The following GABRB1 variants were observed in gnomAD, a reference collection of about 807,000 sequenced individuals.
GABRB1 encodes the protein gamma-aminobutyric acid type A receptor subunit beta1, also known as gamma-aminobutyric acid receptor subunit beta-1.
Under a neutral mutation model 51.6 loss-of-function variants are expected in GABRB1, and 17 were observed. That is an observed-to-expected ratio of 0.33 (90% CI 0.23 to 0.49). GABRB1 has a LOEUF of 0.49. Among genes scored for constraint, GABRB1 ranks in the 20% least tolerant of loss-of-function variants. The pLI is 0.99. For synonymous variants in GABRB1, 247 were observed against 218.9 expected, an observed-to-expected ratio of 1.13 and a Z score of -1.14; for missense variants, 410 against 600.6, an observed-to-expected ratio of 0.68 and a Z score of 3.32.
chr4:46,994,649 A>G (rs1403839096), intron 1 of GABRB1, among the ~76,000 whole-genome samples: 2 of 152,158 alleles, frequency 1.3e-5, no homozygotes, highest in African/African-American at 4.8e-5. Context: ...TTACTGTTTT[A>G]CTGAGCAAAG....
rs182441631 is a variant in GABRB1 at position 47,132,155 on chromosome 4, G to C, written c.241-29094G>C. Among the ~76,000 whole-genome samples, 151 of 152,262 alleles carry C rather than the reference G, an allele frequency of 9.9e-4. 1 individual carries two copies. Among genetic ancestry groups the C allele is most frequent in the Admixed American group, 1.6e-3 (24 of 15,296 alleles). ...TGCATTGGGCTCATTTCACTAGAAAGCGTCATTCAGATTGAATTTCTCTCT... is the reference window on the plus strand; with the variant it reads ...TGCATTGGGCTCATTTCACTAGAAACCGTCATTCAGATTGAATTTCTCTCT... On this transcript the variant is annotated intron_variant, in intron 3 of 8. Coordinates refer to ENST00000295454, the MANE Select transcript of GABRB1 (RefSeq NM_000812.4).
chr4:47,350,210 T>TAG (rs1409250810), intron 5 of GABRB1, among the ~76,000 whole-genome samples: 1,795 of 88,404 alleles, frequency 0.02, 13 homozygotes, highest in East Asian at 0.043. Flanking sequence ...TATATATATA[T>TAG]ATATATATAG....
At chr4:47,108,260 C>T (rs1222277495) in intron 3 of GABRB1, among the ~76,000 whole-genome samples, 5 of 151,846 alleles carry the variant, frequency 3.3e-5, no homozygotes, top group African/African-American at 4.8e-5. Flanking sequence ...TCTCAGTAGT[C>T]GTCTAAATTA....
intron 3 of GABRB1, among the ~76,000 whole-genome samples, chr4:47,079,750 A>G (rs1192211215): frequency 6.6e-6 from 1 of 150,936 alleles, no homozygotes; most frequent in Non-Finnish European, 1.5e-5. Flanking sequence ...TCGCAAGGAC[A>G]AAAAACCAAA....
intron 4 of GABRB1, among the ~76,000 whole-genome samples, chr4:47,282,125 T>G (rs1723314221): frequency 6.6e-6 from 1 of 152,224 alleles, no homozygotes; most frequent in African/African-American, 2.4e-5. Context: ...GAAGCATAAA[T>G]CAAAACATCG....
rs78083480 is a variant in GABRB1 at position 47,222,355 on chromosome 4, G to A, written c.461+60886G>A. On this transcript the variant is annotated intron_variant, in intron 4 of 8. Coordinates refer to ENST00000295454, the MANE Select transcript of GABRB1 (RefSeq NM_000812.4). ...TGCTACAGTAATGGTTCCCCAAAATGTCCTGCTTGCCTGTATTCCTATCCT... is the reference window on the plus strand; with the variant it reads ...TGCTACAGTAATGGTTCCCCAAAATATCCTGCTTGCCTGTATTCCTATCCT... Among the ~76,000 whole-genome samples, 1,311 of 152,230 alleles carry A rather than the reference G, an allele frequency of 8.6e-3. 20 individuals carry two copies. Among genetic ancestry groups the A allele is most frequent in the African/African-American group, 0.03 (1,231 of 41,540 alleles).
chr4:47,134,714 C>T (rs139430572), intron 3 of GABRB1, among the ~76,000 whole-genome samples: 223 of 152,110 alleles, frequency 1.5e-3, no homozygotes, highest in African/African-American at 5.0e-3. Flanking sequence ...GAAATAATTC[C>T]GTTTTCTAAA....
chr4:47,079,061 G>A (rs1032487873), intron 3 of GABRB1, among the ~76,000 whole-genome samples: 7 of 152,190 alleles, frequency 4.6e-5, no homozygotes, highest in African/African-American at 1.7e-4. Flanking sequence ...AGGGATATTG[G>A]TCTAAAATTC....
intron 3 of GABRB1, among the ~76,000 whole-genome samples, chr4:47,121,565 A>G (rs1216005453): frequency 6.6e-6 from 1 of 152,164 alleles, no homozygotes; most frequent in African/African-American, 2.4e-5. Flanking sequence ...CCACTCCTAA[A>G]TAGAATGTGA....
At chr4:47,373,743 A>G (rs536763512) in intron 5 of GABRB1, among the ~76,000 whole-genome samples, 2 of 152,342 alleles carry the variant, frequency 1.3e-5, no homozygotes, top group South Asian at 4.1e-4. Flanking sequence ...CTATGTGGGA[A>G]GGTAAGGCCT....
intron 4 of GABRB1, among the ~76,000 whole-genome samples, chr4:47,206,253 CTT>C (rs1720116530): frequency 6.6e-6 from 1 of 151,920 alleles, no homozygotes; most frequent in Admixed American, 6.6e-5. Context: ...CGTTTTTATT[CTT>C]TGTTTGTTTT....
At chr4:47,253,599 T>C (rs976123709) in intron 4 of GABRB1, among the ~76,000 whole-genome samples, 1 of 152,244 alleles carries the variant, frequency 6.6e-6, no homozygotes, top group African/African-American at 2.4e-5. Flanking sequence ...TTTTGAATTA[T>C]ACCCCAAACA....
intron 3 of GABRB1, among the ~76,000 whole-genome samples, chr4:47,063,756 G>A (rs931129671): frequency 2.0e-5 from 3 of 152,178 alleles, no homozygotes; most frequent in African/African-American, 7.2e-5. Context: ...GAAGCTGGAA[G>A]CCATTATCCT....
At chr4:47,032,284 C>A in intron 2 of GABRB1, 133 bp from the exon 3 acceptor site, 2 of 881,032 alleles carry the variant, frequency 2.3e-6, no homozygotes, top group Non-Finnish European at 3.5e-6. Flanking sequence ...CAGGCAGTCC[C>A]CTGAAAGGGG....
chr4:47,296,467 T>A (rs1723997504), intron 4 of GABRB1, among the ~76,000 whole-genome samples: 1 of 152,056 alleles, frequency 6.6e-6, no homozygotes, highest in African/African-American at 2.4e-5. Context: ...TCCTAGTCTC[T>A]GATAAAACAG....
At chr4:47,177,153 TGGCAAA>T (rs1718738311) in intron 4 of GABRB1, among the ~76,000 whole-genome samples, 1 of 152,032 alleles carries the variant, frequency 6.6e-6, no homozygotes, top group Admixed American at 6.6e-5. Flanking sequence ...ACAACTGAAA[TGGCAAA>T]GGACTTGGAA....
At chr4:47,264,727 C>T (rs553274522) in intron 4 of GABRB1, among the ~76,000 whole-genome samples, 6 of 152,326 alleles carry the variant, frequency 3.9e-5, no homozygotes, top group East Asian at 1.9e-4. Context: ...ACACTGTATA[C>T]ACCTGGGGGA....
chr4:47,382,160 G>A lies in GABRB1; in HGVS notation c.545-21158G>A, dbSNP rs1000739422. 4.6e-5 allele frequency among the ~76,000 whole-genome samples: 7 copies of A among 152,284 alleles called. No homozygotes were observed. In the East Asian group the frequency reaches 7.7e-4, roughly 17 times the overall value. On this transcript the variant is annotated intron_variant, in intron 5 of 8. Transcript: ENST00000295454. ...TCACCAAAACAAATGGTTTTAACATGAGCCATTCTACCAAACACAGCATCT... is the reference window on the plus strand; with the variant it reads ...TCACCAAAACAAATGGTTTTAACATAAGCCATTCTACCAAACACAGCATCT...
chr4:47,256,249 A>G (rs940598218), intron 4 of GABRB1, among the ~76,000 whole-genome samples: 1 of 152,268 alleles, frequency 6.6e-6, no homozygotes, highest in African/African-American at 2.4e-5. Flanking sequence ...AATAAACTAT[A>G]TGAACTAGAA....
Sources: gnomAD v4.1 joint callset for allele counts (sites outside exome capture counted in the v4.1 genomes callset) on GRCh38, gnomAD v4.1.1 for gene constraint, MANE v1.5 for transcripts, NCBI Gene and HGNC (gene_info 2026-07-23, HGNC 2026-07-21) for gene names.